The following CMKLR1 variants were observed in gnomAD, a reference collection of about 807,000 sequenced individuals.
CMKLR1 encodes chemerin chemokine-like receptor 1.
In CMKLR1, 6 loss-of-function variants were observed where a neutral mutation model predicts 8.2. The ratio of observed to expected loss-of-function variants is 0.73; its 90% confidence interval spans 0.40 to 1.44. CMKLR1 has a LOEUF of 1.44. Among genes scored for constraint, CMKLR1 ranks in the 40% most tolerant of loss-of-function variants. The pLI is 0.02. For missense variants in CMKLR1, 429 were observed against 478.0 expected (o/e 0.90, Z 0.96); for synonymous variants, 178 against 181.2 (o/e 0.98, Z 0.14).
chr12:108,292,716 C>T lies in CMKLR1; in HGVS notation c.247G>A (p.Val83Met). 1 of 1,614,176 alleles carries T rather than the reference C, an allele frequency of 6.2e-7. No individual in the cohort carries two copies. Among genetic ancestry groups the T allele is most frequent in the Non-Finnish European group, 8.5e-7 (1 of 1,180,020 alleles). The change falls in exon 4 of 4, where the codon GTG (valine) becomes ATG (methionine). Residue 83 changes from valine (V) to methionine (M), a missense_variant. Transcript: ENST00000550402. ...VNMVWFLNLA[V>M]ADFLFNVFLP... is the part of the protein sequence containing the mutation. ...AAGACGTTGAACAGGAAATCTGCCA[C>T]TGCCAGGTTGAGGAACCAGACCATG... is the stretch of plus-strand genomic sequence containing the variant.
At chr12:108,318,689 A>G (rs1891788673) in intron 2 of CMKLR1, among the ~76,000 whole-genome samples, 1 of 152,116 alleles carries the variant, frequency 6.6e-6, no homozygotes, top group Non-Finnish European at 1.5e-5. Flanking sequence ...CTCTGCAGAA[A>G]ACAGAGCAGC....
At chr12:108,302,498 G>A (rs1891303022) in intron 2 of CMKLR1, among the ~76,000 whole-genome samples, 2 of 152,212 alleles carry the variant, frequency 1.3e-5, no homozygotes, top group African/African-American at 4.8e-5. Context: ...TGAGGAAGTG[G>A]GAGGAGGCCA....
At chr12:108,324,100 C>A (rs1891925986) in intron 2 of CMKLR1, among the ~76,000 whole-genome samples, 1 of 152,196 alleles carries the variant, frequency 6.6e-6, no homozygotes, top group Non-Finnish European at 1.5e-5. Flanking sequence ...AGGCATTTAC[C>A]TGTCCCCAGT....
chr12:108,309,623 C>T (rs139234316), intron 2 of CMKLR1, among the ~76,000 whole-genome samples: 1 of 152,110 alleles, frequency 6.6e-6, no homozygotes. Flanking sequence ...CAGTCACTAC[C>T]TTCATGCAGA....
intron 2 of CMKLR1, among the ~76,000 whole-genome samples, chr12:108,322,709 T>C (rs577693618): frequency 1.3e-5 from 2 of 152,248 alleles, no homozygotes; most frequent in South Asian, 4.1e-4. Flanking sequence ...CTGGCTCCCC[T>C]TCCCCTTCTA....
At chr12:108,298,669 A>G (rs73407464) in intron 2 of CMKLR1, among the ~76,000 whole-genome samples, 6,281 of 152,268 alleles carry the variant, frequency 0.041, 423 homozygotes, top group African/African-American at 0.14. Flanking sequence ...CAGAGACCAC[A>G]TCATTCATCA....
At chr12:108,311,074 T>C (rs1891552223) in intron 2 of CMKLR1, among the ~76,000 whole-genome samples, 2 of 151,684 alleles carry the variant, frequency 1.3e-5, no homozygotes, top group South Asian at 4.2e-4. Context: ...AGATACACAC[T>C]GCTGCTATGC....
At position 108,291,960 on chromosome 12, in the gene CMKLR1, C is replaced by A. The variant is rs1343488230; in HGVS notation, c.1003G>T (p.Val335Phe). The A allele has an allele frequency of 1.1e-5, 17 of 1,614,122 alleles. No individual in the cohort carries two copies. The highest frequency in any genetic ancestry group is 1.4e-5 in the Non-Finnish European group (16 of 1,180,030). The change falls in exon 4 of 4, where the codon GTC becomes TTC. Residue 335 changes from valine (V) to phenylalanine (F), a missense_variant. By Grantham distance (50) the Val-to-Phe change is conservative. Transcript: ENST00000550402. ...KFKVALFSRL[V>F]NALSEDTGHS... ...CCTGTATCTTCACTTAGAGCATTGA[C>A]CAGGCGAGAGAAGAGGGCCACCTTG...
chr12:108,314,937 T>G (rs1001570439), intron 2 of CMKLR1, among the ~76,000 whole-genome samples: 2 of 148,532 alleles, frequency 1.3e-5, no homozygotes, highest in Non-Finnish European at 3.0e-5. Context: ...CAGCCTTGTT[T>G]TTTTTTTTTT....
At chr12:108,336,490 G>T (rs1892227151) in intron 1 of CMKLR1, among the ~76,000 whole-genome samples, 1 of 151,804 alleles carries the variant, frequency 6.6e-6, no homozygotes, top group Non-Finnish European at 1.5e-5. Flanking sequence ...AGCTTGCAGT[G>T]AGCCAAGATT....
intron 2 of CMKLR1, among the ~76,000 whole-genome samples, chr12:108,314,943 T>G (rs192675854): frequency 0.022 from 3,333 of 149,946 alleles, 48 homozygotes; most frequent in Non-Finnish European, 0.032. Flanking sequence ...TGTTTTTTTT[T>G]TTTTTTTTTT....
chr12:108,334,731 T>C (rs562807965), intron 1 of CMKLR1, among the ~76,000 whole-genome samples: 1 of 152,160 alleles, frequency 6.6e-6, no homozygotes, highest in South Asian at 2.1e-4. Flanking sequence ...TCAAATCCCA[T>C]TCTTTTGCTA....
At chr12:108,319,747 G>A (rs1455758308) in intron 2 of CMKLR1, among the ~76,000 whole-genome samples, 1 of 151,912 alleles carries the variant, frequency 6.6e-6, no homozygotes, top group East Asian at 1.9e-4. Context: ...TATATGACTT[G>A]GCCTCACACA....
In CMKLR1 at chr12:108,323,342, T is replaced by TTTTA. The variant is rs139230013; in HGVS notation, c.-74+6649_-74+6652dup. 4.6e-3 allele frequency among the ~76,000 whole-genome samples: 702 copies of TTTTA among 151,192 alleles called. 13 individuals are homozygous for TTTTA. Among genetic ancestry groups the TTTTA allele is most frequent in the Non-Finnish European group, 1.7e-3 (117 of 67,826 alleles). On this transcript the variant is annotated intron_variant, in intron 2 of 3. Coordinates refer to ENST00000550402, the MANE Select transcript of CMKLR1 (RefSeq NM_001142343.2). ...GCTATCTGTGATTTTCCCTTTTTTATTTTATTTATTTATTTATTTATTTAT... is the reference window on the plus strand; with the variant it reads ...GCTATCTGTGATTTTCCCTTTTTTATTTTATTTATTTATTTATTTATTTATTTAT...
intron 2 of CMKLR1, among the ~76,000 whole-genome samples, chr12:108,312,762 G>A (rs1891617954): frequency 6.6e-6 from 1 of 152,236 alleles, no homozygotes; most frequent in East Asian, 1.9e-4. Context: ...TGCACACGGG[G>A]CCCTGTGATC....
intron 2 of CMKLR1, among the ~76,000 whole-genome samples, chr12:108,313,646 G>A (rs1891644020): frequency 6.6e-6 from 1 of 152,206 alleles, no homozygotes; most frequent in Non-Finnish European, 1.5e-5. Context: ...GCTCAAACTG[G>A]AATGTCCCAG....
chr12:108,327,752 G>T (rs1311366941), intron 2 of CMKLR1, among the ~76,000 whole-genome samples: 2 of 152,214 alleles, frequency 1.3e-5, no homozygotes, highest in African/African-American at 4.8e-5. Context: ...ATGGGTGAAG[G>T]CTACCTGTCC....
At chr12:108,333,858 A>G (rs1303735519) in intron 1 of CMKLR1, among the ~76,000 whole-genome samples, 4 of 152,224 alleles carry the variant, frequency 2.6e-5, no homozygotes, top group Admixed American at 2.6e-4. Context: ...ACCTGTGTCC[A>G]TTGCTGCAAA....
At chr12:108,297,286 C>A (rs1256000871) in intron 2 of CMKLR1, among the ~76,000 whole-genome samples, 1 of 152,136 alleles carries the variant, frequency 6.6e-6, no homozygotes, top group African/African-American at 2.4e-5. Context: ...ATAACATTTT[C>A]TTTTTCTCTA....
Sources: allele counts gnomAD v4.1 joint callset (sites outside exome capture counted in the v4.1 genomes callset), GRCh38; gene constraint gnomAD v4.1.1; transcripts MANE v1.5; gene names NCBI Gene and HGNC (gene_info 2026-07-23, HGNC 2026-07-21).